UBE2E2: variants seen among roughly 807,000 people sequenced by gnomAD.
The protein encoded by UBE2E2 is ubiquitin-conjugating enzyme E2 E2.
A neutral mutation model predicts 24.7 loss-of-function variants in UBE2E2; 6 were observed. The ratio of observed to expected loss-of-function variants is 0.24; its 90% CI spans 0.13 to 0.48. The LOEUF (loss-of-function observed/expected upper bound fraction) is 0.48. Ranked by LOEUF, UBE2E2 falls within the 20% of genes least tolerant of loss-of-function variation. The probability of loss-of-function intolerance (pLI) is 0.99; values close to 1 mark genes in which losing one functional copy is unlikely to be tolerated. For synonymous variants in UBE2E2, 104 were observed against 83.6 expected (o/e 1.24, Z -1.33); for missense variants, 169 against 245.0 (o/e 0.69, Z 2.07).
At chr3:23,541,388 T>C (rs566214060) in intron 5 of UBE2E2, among the ~76,000 whole-genome samples, 2 of 152,378 alleles carry the variant, frequency 1.3e-5, no homozygotes, top group South Asian at 4.1e-4. Flanking sequence ...ACAACTGTAA[T>C]AACTACTTTC....
intron 3 of UBE2E2, among the ~76,000 whole-genome samples, chr3:23,495,492 A>G (rs887339617): frequency 1.3e-5 from 2 of 152,166 alleles, no homozygotes; most frequent in African/African-American, 4.8e-5. Context: ...TATTTACTAA[A>G]TGTGTTTGTG....
intron 5 of UBE2E2, among the ~76,000 whole-genome samples, chr3:23,546,460 ATTTTTTT>A (rs899923576): frequency 1.3e-5 from 1 of 76,860 alleles, no homozygotes; most frequent in Non-Finnish European, 2.5e-5. Context: ...GAACATTTAG[ATTTTTTT>A]TTTTTTTTTT....
intron 3 of UBE2E2, among the ~76,000 whole-genome samples, chr3:23,342,037 A>G (rs910396987): frequency 1.3e-5 from 2 of 152,236 alleles, no homozygotes; most frequent in Non-Finnish European, 2.9e-5. Flanking sequence ...GGTGTTTACA[A>G]AATGTATTGT....
At chr3:23,319,980 C>T (rs1694701435) in intron 3 of UBE2E2, among the ~76,000 whole-genome samples, 1 of 152,118 alleles carries the variant, frequency 6.6e-6, no homozygotes, top group Non-Finnish European at 1.5e-5. Flanking sequence ...AGTTTTTCCC[C>T]AGTGGTGGAC....
chr3:23,470,974 T>G (rs985055545), intron 3 of UBE2E2, among the ~76,000 whole-genome samples: 3 of 152,202 alleles, frequency 2.0e-5, no homozygotes, highest in African/African-American at 4.8e-5. Context: ...CATGTAACCC[T>G]TTCTTCACAC....
In UBE2E2 at chr3:23,590,791, T is replaced by A. The variant is rs1696743045; in HGVS notation, c.*960T>A. On this transcript the variant is annotated 3_prime_UTR_variant, in exon 6 of 6. Coordinates refer to ENST00000396703, the MANE Select transcript of UBE2E2 (RefSeq NM_152653.4). The stretch of plus-strand genomic sequence containing the variant: ...TTGTTATAGTAAATTGCTATCATTT[T>A]ACATATTGACTGGGCATTCTTTCTG... The A allele has an allele frequency of 6.6e-6, 1 of 152,262 alleles. No homozygotes were observed. The highest frequency in any genetic ancestry group is 6.5e-5 in the Admixed American group (1 of 15,286). The allele number at this position is 152,262 out of a possible 1,614,324, so 9.4% of individuals were successfully genotyped here. A position where few individuals can be genotyped will look rare whatever the true frequency, so the allele number is the denominator to read the frequency against.
chr3:23,350,609 T>C (rs1398225728), intron 3 of UBE2E2, among the ~76,000 whole-genome samples: 1 of 152,124 alleles, frequency 6.6e-6, no homozygotes, highest in African/African-American at 2.4e-5. Flanking sequence ...CAGGAGCCGA[T>C]GTGATCAACT....
At chr3:23,587,825 G>T in intron 5 of UBE2E2, among the ~76,000 whole-genome samples, 1 of 152,190 alleles carries the variant, frequency 6.6e-6, no homozygotes, top group Middle Eastern at 3.2e-3. Context: ...TTCAACATCT[G>T]AGAAAATGAA....
intron 3 of UBE2E2, among the ~76,000 whole-genome samples, chr3:23,235,043 T>C (rs149400020): frequency 1.5e-3 from 223 of 152,344 alleles, no homozygotes; most frequent in African/African-American, 5.0e-3. Context: ...GGCCAATATG[T>C]GATCAGCACT....
intron 3 of UBE2E2, among the ~76,000 whole-genome samples, chr3:23,465,646 A>G (rs1698905218): frequency 6.6e-6 from 1 of 152,182 alleles, no homozygotes; most frequent in South Asian, 2.1e-4. Context: ...TCTTTTTGCC[A>G]CTTCCCTGAT....
In UBE2E2 at chr3:23,569,500, C is replaced by T. The variant is rs1344416512; in HGVS notation, c.509-20234C>T. Reference sequence around the variant, plus strand: ...GTATGTGAATTACATCTCAATAAAGCTGTTTTTAAAAACCTAGCTTCCAAT... The same window carrying T: ...GTATGTGAATTACATCTCAATAAAGTTGTTTTTAAAAACCTAGCTTCCAAT... On this transcript the variant is annotated intron_variant, in intron 5 of 5. Coordinates refer to ENST00000396703, the MANE Select transcript of UBE2E2 (RefSeq NM_152653.4). Among the ~76,000 whole-genome samples the T allele has an allele frequency of 2.6e-5, 4 of 152,304 alleles. No homozygotes were observed. In the East Asian group the frequency reaches 7.7e-4, roughly 29 times the overall value.
chr3:23,339,771 G>A (rs1188952636), intron 3 of UBE2E2, among the ~76,000 whole-genome samples: 2 of 151,732 alleles, frequency 1.3e-5, no homozygotes, highest in African/African-American at 4.8e-5. Context: ...TATTTTTATT[G>A]TGTTAGCAAG....
chr3:23,337,261 G>T (rs549902027), intron 3 of UBE2E2, among the ~76,000 whole-genome samples: 3 of 152,200 alleles, frequency 2.0e-5, no homozygotes, highest in Non-Finnish European at 4.4e-5. Context: ...ATTATAGAAA[G>T]TGTAGTTTCT....
chr3:23,457,710 C>G (rs35177750), intron 3 of UBE2E2, among the ~76,000 whole-genome samples: 1 of 152,100 alleles, frequency 6.6e-6, no homozygotes, highest in Non-Finnish European at 1.5e-5. Context: ...GAGATGGGAT[C>G]TCCCTGTGTT....
At chr3:23,450,195 G>C (rs1479024491) in intron 3 of UBE2E2, among the ~76,000 whole-genome samples, 1 of 152,068 alleles carries the variant, frequency 6.6e-6, no homozygotes, top group African/African-American at 2.4e-5. Context: ...AGGACTATTG[G>C]GTAGAACTCA....
chr3:23,261,840 T>C lies in UBE2E2; in HGVS notation c.227+44528T>C, dbSNP rs191835758. Among the ~76,000 whole-genome samples, 842 of 152,344 alleles carry C rather than the reference T, an allele frequency of 5.5e-3. 11 individuals carry two copies. Among genetic ancestry groups the C allele is most frequent in the African/African-American group, 0.019 (774 of 41,580 alleles). On this transcript the variant is annotated intron_variant, in intron 3 of 5. Transcript: ENST00000396703. ...TGAATAATATTCCATTTTATTGATA[T>C]ATACACACACTGAATTTTCTTTATT...
intron 3 of UBE2E2, among the ~76,000 whole-genome samples, chr3:23,453,020 A>G (rs549599466): frequency 5.9e-5 from 9 of 152,232 alleles, no homozygotes; most frequent in Admixed American, 4.6e-4. Context: ...TCCCATTTTT[A>G]ATAGTATCCT....
At chr3:23,457,052 A>C (rs1698694918) in intron 3 of UBE2E2, among the ~76,000 whole-genome samples, 1 of 152,188 alleles carries the variant, frequency 6.6e-6, no homozygotes, top group Non-Finnish European at 1.5e-5. Context: ...ATAGTTCCCA[A>C]AGCAAAACCT....
At chr3:23,268,034 T>G (rs1182216322) in intron 3 of UBE2E2, among the ~76,000 whole-genome samples, 1 of 151,470 alleles carries the variant, frequency 6.6e-6, no homozygotes, top group South Asian at 2.1e-4. Context: ...CTCAATAAAT[T>G]AGGTATTGAT....
Sources: allele counts gnomAD v4.1 joint callset (sites outside exome capture counted in the v4.1 genomes callset), GRCh38; gene constraint gnomAD v4.1.1; transcripts MANE v1.5; gene names NCBI Gene and HGNC (gene_info 2026-07-23, HGNC 2026-07-21).